The following LRCH3 variants were observed in gnomAD, a reference collection of about 807,000 sequenced individuals.
LRCH3 encodes the protein leucine rich repeats and calponin homology domain containing 3.
In LRCH3, 68 loss-of-function variants were observed where a neutral mutation model predicts 104.5. The ratio of observed to expected loss-of-function variants is 0.65; its 90% CI spans 0.54 to 0.80. The LOEUF (loss-of-function observed/expected upper bound fraction) is 0.80. Among genes scored for constraint, LRCH3 ranks in the 30% least tolerant of loss-of-function variants. LRCH3 has a pLI of 0.00. For missense variants in LRCH3, 951 were observed against 953.9 expected (o/e 1.00, Z 0.04); for synonymous variants, 344 against 361.3 (o/e 0.95, Z 0.54).
At chr3:197,882,415 AAAGT>A (rs1042415081) in intron 20 of LRCH3, 10 of 973,138 alleles carry the variant, frequency 1.0e-5, no homozygotes, top group African/African-American at 1.8e-5. Context: ...TATTAAATAA[AAAGT>A]AAGCACAAGT....
chr3:197,848,465 T>C (rs971998667), intron 12 of LRCH3: 4 of 153,752 alleles, frequency 2.6e-5, no homozygotes, highest in Admixed American at 2.6e-4. Flanking sequence ...TCCACACACA[T>C]CCAATTAACA....
At chr3:197,882,065 A>G in intron 20 of LRCH3, 1 of 985,426 alleles carries the variant, frequency 1.0e-6, no homozygotes, top group Non-Finnish European at 1.2e-6. Flanking sequence ...ACACCTGTTA[A>G]AAAACACACA....
chr3:197,869,160 C>CAATA (rs1447827564), intron 17 of LRCH3, among the ~76,000 whole-genome samples: 4 of 152,310 alleles, frequency 2.6e-5, no homozygotes, highest in Admixed American at 2.6e-4. Context: ...AAGTAGAAAC[C>CAATA]AATATACTGT....
At chr3:197,882,173 G>GCA (rs1369832139) in intron 20 of LRCH3, 55 of 985,338 alleles carry the variant, frequency 5.6e-5, no homozygotes, top group Admixed American at 1.8e-4. Context: ...GCCCCAGAAA[G>GCA]CACAGGCTTC....
chr3:197,818,120 C>G (rs768506252), intron 3 of LRCH3, among the ~76,000 whole-genome samples: 1 of 152,048 alleles, frequency 6.6e-6, no homozygotes, highest in Non-Finnish European at 1.5e-5. Context: ...CGCGCACGGC[C>G]CTGTTGCCCT....
intron 1 of LRCH3, among the ~76,000 whole-genome samples, chr3:197,794,936 C>T (rs911966568): frequency 1.3e-5 from 2 of 151,514 alleles, no homozygotes; most frequent in African/African-American, 2.4e-5. Flanking sequence ...ACCCAGGAGG[C>T]GGAGGTTGCA....
intron 15 of LRCH3, among the ~76,000 whole-genome samples, chr3:197,862,980 GTTTATTTATTTATTA>G (rs1008171886): frequency 6.7e-6 from 1 of 150,044 alleles, no homozygotes; most frequent in Non-Finnish European, 1.5e-5. Flanking sequence ...TATGGCCTTG[GTTTATTTATTTATTA>G]TTTATTTATT....
intron 5 of LRCH3, among the ~76,000 whole-genome samples, chr3:197,828,853 G>T (rs1402985048): frequency 6.6e-6 from 1 of 151,532 alleles, no homozygotes; most frequent in South Asian, 2.1e-4. Flanking sequence ...GATTACAAGC[G>T]CCTGCCACCA....
At chr3:197,804,335 C>G (rs1203165582) in intron 1 of LRCH3, among the ~76,000 whole-genome samples, 3 of 152,088 alleles carry the variant, frequency 2.0e-5, no homozygotes, top group African/African-American at 7.2e-5. Context: ...TGCCTTGTTC[C>G]TAGGATATGA....
intron 1 of LRCH3, among the ~76,000 whole-genome samples, chr3:197,804,194 T>A (rs1448413401): frequency 6.7e-6 from 1 of 150,342 alleles, no homozygotes; most frequent in African/African-American, 2.5e-5. Flanking sequence ...ACCCCAGAGG[T>A]GGAGGTTGCA....
At chr3:197,872,242 A>G (rs1399882373) in intron 19 of LRCH3, among the ~76,000 whole-genome samples, 2 of 151,826 alleles carry the variant, frequency 1.3e-5, no homozygotes, top group East Asian at 3.9e-4. Flanking sequence ...CTATAGTCCC[A>G]GCTACTCAGG....
Position 197,845,419 on chromosome 3 carries a change from A to AG in LRCH3, c.1329-1990_1329-1989insG, listed in dbSNP as rs531873347. Among the ~76,000 whole-genome samples, 208 of 151,696 alleles carry AG rather than the reference A, an allele frequency of 1.4e-3. 1 individual carries two copies. Among genetic ancestry groups the AG allele is most frequent in the African/African-American group, 4.3e-3 (178 of 41,318 alleles). On this transcript the variant is annotated intron_variant, in intron 10 of 20. Coordinates refer to ENST00000425562, the MANE Select transcript of LRCH3 (RefSeq NM_001365715.1). ...ATGAGACTCTGTCAAAAAAAAAAAAAAAAGAAAGAAAGAAAGAAACATAGG... is the reference window on the plus strand; with the variant it reads ...ATGAGACTCTGTCAAAAAAAAAAAAAGAAAGAAAGAAAGAAAGAAACATAGG...
At position 197,839,342 on chromosome 3, in the gene LRCH3, G is replaced by C; in HGVS notation, c.1273G>C (p.Ala425Pro). 6.3e-7 allele frequency: 1 copy of C among 1,596,106 alleles called. No individual in the cohort carries two copies. The highest frequency in any genetic ancestry group is 8.5e-7 in the Non-Finnish European group (1 of 1,174,660). ...SHEGSPVKPV[A>P]IREFQKTEDM... ...CTAGGGTTCACCAGTAAAGCCAGTA[G>C]CCATTAGGGAGTTTCAAAAAACAGA... The change falls in exon 10 of 21, where the codon GCC becomes CCC. Residue 425 changes from alanine (A) to proline (P), a missense_variant. Ala to Pro is a conservative substitution (Grantham distance 27). Coordinates refer to ENST00000425562, the MANE Select transcript of LRCH3 (RefSeq NM_001365715.1).
chr3:197,827,286 A>G (rs1735333474), intron 5 of LRCH3, among the ~76,000 whole-genome samples: 2 of 152,100 alleles, frequency 1.3e-5, no homozygotes, highest in Non-Finnish European at 2.9e-5. Flanking sequence ...TAGTGGAAGC[A>G]TCAGGTAAAC....
intron 4 of LRCH3, 71 bp downstream of exon 4, chr3:197,820,501 A>T (rs1055568968): frequency 7.5e-6 from 8 of 1,070,666 alleles, no homozygotes; most frequent in Middle Eastern, 2.9e-4. Context: ...AGACCAATCA[A>T]GACAAAAATG....
intron 1 of LRCH3, among the ~76,000 whole-genome samples, chr3:197,804,524 C>T (rs1050969950): frequency 6.6e-6 from 1 of 152,148 alleles, no homozygotes; most frequent in Non-Finnish European, 1.5e-5. Context: ...CATCGTGTAT[C>T]CAGAGCTCAA....
In LRCH3 at chr3:197,879,567, A is replaced by G. The variant is rs568732344; in HGVS notation, c.2208+3792A>G. The stretch of plus-strand genomic sequence containing the variant: ...AGGCTGAGGCGGGAGAATGGCGGGA[A>G]CCCGGGAGGCGGAGCTTGCAGTGAG... On this transcript the variant is annotated intron_variant, in intron 20 of 20. Transcript: ENST00000425562. 3.8e-4 allele frequency among the ~76,000 whole-genome samples: 57 copies of G among 151,818 alleles called. 1 individual carries two copies. Among genetic ancestry groups the G allele is most frequent in the Non-Finnish European group, 5.7e-4 (39 of 67,936 alleles).
chr3:197,825,715 G>A (rs922094757), intron 4 of LRCH3, among the ~76,000 whole-genome samples: 2 of 151,718 alleles, frequency 1.3e-5, no homozygotes, highest in South Asian at 2.1e-4. Flanking sequence ...TCCTGACCTC[G>A]TGATCCGCCT....
At chr3:197,835,563 A>G (rs578183838) in intron 8 of LRCH3, 111 bp from the exon 9 acceptor site, 5 of 1,334,416 alleles carry the variant, frequency 3.7e-6, no homozygotes, top group Admixed American at 3.2e-5. Flanking sequence ...CACTTTCAAA[A>G]TAGAAAATCA....
Sources: allele counts gnomAD v4.1 joint callset (sites outside exome capture counted in the v4.1 genomes callset), GRCh38; gene constraint gnomAD v4.1.1; transcripts MANE v1.5; gene names NCBI Gene and HGNC (gene_info 2026-07-23, HGNC 2026-07-21).